RYR1: variants seen among roughly 807,000 people sequenced by gnomAD.
RYR1 encodes the protein central core disease of muscle.
In RYR1, 342 loss-of-function variants were observed where a neutral mutation model predicts 583.5. The observed-to-expected ratio is 0.59, with a 90% CI of 0.54 to 0.64. RYR1 has a LOEUF of 0.64. RYR1 is among the 30% of genes least tolerant of loss of function. RYR1 has a pLI of 0.00. For missense variants in RYR1, 6,032 were observed against 6,917.2 expected, an observed-to-expected ratio of 0.87 and a Z score of 4.54; for synonymous variants, 2,791 against 2,822.5, an observed-to-expected ratio of 0.99 and a Z score of 0.35.
At chr19:38,467,227 A>G (rs1268995080) in intron 24 of RYR1, among the ~76,000 whole-genome samples, 1 of 151,752 alleles carries the variant, frequency 6.6e-6, no homozygotes, top group Non-Finnish European at 1.5e-5. Flanking sequence ...CTGAATTTCC[A>G]TCCCTTCCAT....
chr19:38,496,294 G>C lies in RYR1; in HGVS notation c.6628G>C (p.Val2210Leu), dbSNP rs193922792. 1.2e-6 allele frequency: 2 copies of C among 1,614,046 alleles called. No individual in the cohort carries two copies. The highest frequency in any genetic ancestry group is 1.7e-6 in the Non-Finnish European group (2 of 1,180,044). ...GGGCATGCACGAGACGGTCATGGAG[G>C]TCATGGTCAACGTCCTCGGGGGCGG... ...ALGMHETVME[V>L]MVNVLGGGES... is the part of the protein sequence containing the mutation. Residue 2210 changes from valine to leucine, a missense_variant, in exon 40 of 106, where the codon GTC becomes CTC. Physicochemically the swap from Val to Leu is conservative, Grantham distance 32 (BLOSUM62 1). Around this residue, in one of 11 missense-constraint regions of RYR1, gnomAD observed 2,627 missense variants for 2,961.3 expected, o/e 0.89. Coordinates refer to ENST00000359596, the MANE Select transcript of RYR1 (RefSeq NM_000540.3). This position sits in a 1 kb window ranked among gnomAD's most constrained non-coding sequence, Gnocchi z 4.8.
At position 38,512,300 on chromosome 19, in the gene RYR1, G is replaced by A. The variant is rs765993526; in HGVS notation, c.9289G>A (p.Glu3097Lys). Residue 3097 changes from glutamate to lysine, a missense_variant, in exon 63 of 106, where the codon GAG becomes AAG. Physicochemically the swap from Glu to Lys is moderately conservative, Grantham distance 56. This residue lies in a region of RYR1 where 1,493 missense variants were observed against 1,715.5 expected (regional missense o/e 0.87). Transcript: ENST00000359596. This position sits in a 1 kb window ranked among gnomAD's most constrained non-coding sequence, Gnocchi z 5.1. ...IVKAGLRSFFESASEDIEKMV... is the reference protein window; with the variant it reads ...IVKAGLRSFFKSASEDIEKMV... ...GAAGGCTGGCCTCCGCTCCTTCTTC[G>A]AGAGTGCCTCGGAGGACATCGAGAA... 27 of 1,614,114 alleles carry A rather than the reference G, an allele frequency of 1.7e-5. No homozygotes were observed. Among genetic ancestry groups the A allele is most frequent in the South Asian group, 2.2e-5 (2 of 91,092 alleles).
rs1568611478 is a variant in RYR1 at position 38,584,982 on chromosome 19, G to A, written c.14686G>A (p.Gly4896Arg). The change falls in exon 102 of 106, where the codon GGA becomes AGA. Residue 4896 changes from glycine to arginine, a missense_variant. Transcript: ENST00000359596. ...FHMYVGVRAG[G>R]GIGDEIEDPA... ...CATGTACGTGGGTGTCCGGGCTGGC[G>A]GAGGCATTGGGGACGAGATCGAGGA... 1 of 1,614,036 alleles carries A rather than the reference G, an allele frequency of 6.2e-7. No individual in the cohort carries two copies. The highest frequency in any genetic ancestry group is 8.5e-7 in the Non-Finnish European group (1 of 1,179,986).
Position 38,452,872 on chromosome 19 carries a change from C to A in RYR1, c.1298C>A (p.Thr433Lys). ...CGGGGCTCGGGGCCACCCGCTGGCA[C>A]GGCGCTGCCCATCGAGGGCGTTATC... ...KPRGSGPPAG[T>K]ALPIEGVILS... The change falls in exon 13 of 106, where the codon ACG (threonine) becomes AAG (lysine). Residue 433 changes from threonine (T) to lysine (K), a missense_variant. Transcript: ENST00000359596. 6.2e-7 allele frequency: 1 copy of A among 1,610,112 alleles called. No individual in the cohort carries two copies. The highest frequency in any genetic ancestry group is 1.1e-5 in the South Asian group (1 of 90,408).
rs1408513140 is a variant in RYR1 at position 38,512,351 on chromosome 19, A to C, written c.9340A>C (p.Lys3114Gln). The change falls in exon 63 of 106, where the codon AAG becomes CAG. Residue 3114 changes from lysine (K) to glutamine (Q), a missense_variant. Coordinates refer to ENST00000359596, the MANE Select transcript of RYR1 (RefSeq NM_000540.3). This position sits in a 1 kb window ranked among gnomAD's most constrained non-coding sequence, Gnocchi z 5.1. Reference sequence around the variant, plus strand: ...GATGGTGGAGAACCTGCGGCTGGGCAAGGTGTCGCAGGCGCGCACCCAGGT... The same window carrying C: ...GATGGTGGAGAACCTGCGGCTGGGCCAGGTGTCGCAGGCGCGCACCCAGGT... ...EKMVENLRLG[K>Q]VSQARTQVKG... 6.2e-7 allele frequency: 1 copy of C among 1,614,176 alleles called. No individual in the cohort carries two copies. Among genetic ancestry groups the C allele is most frequent in the African/African-American group, 1.3e-5 (1 of 75,066 alleles).
chr19:38,499,791 C>T lies in RYR1; in HGVS notation c.7184C>T (p.Pro2395Leu). 2 of 1,604,176 alleles carry T rather than the reference C, an allele frequency of 1.2e-6. No homozygotes were observed. The highest frequency in any genetic ancestry group is 1.7e-6 in the Non-Finnish European group (2 of 1,179,008). ...TCCGAGGACCCTGCGAGGGATGGCCCAGGCATCCGCAGGGACCGGCGGCGC... is the reference window on the plus strand; with the variant it reads ...TCCGAGGACCCTGCGAGGGATGGCCTAGGCATCCGCAGGGACCGGCGGCGC... The part of the protein sequence containing the change: ...RISEDPARDG[P>L]GIRRDRRREH... The change falls in exon 44 of 106, where the codon CCA becomes CTA. Residue 2395 changes from proline (P) to leucine (L), a missense_variant. Physicochemically the swap from Pro to Leu is moderately conservative, Grantham distance 98 (BLOSUM62 -3). Transcript: ENST00000359596. This position sits in a 1 kb window ranked among gnomAD's most constrained non-coding sequence, Gnocchi z 7.3.
intron 42 of RYR1, among the ~76,000 whole-genome samples, chr19:38,497,399 G>A (rs80283299): frequency 0.025 from 3,858 of 152,250 alleles, 156 homozygotes; most frequent in East Asian, 0.12. Flanking sequence ...GGTGAAATGC[G>A]TGGGCTCCAG....
intron 94 of RYR1, 114 bp from the exon 95 acceptor site, chr19:38,571,905 A>C (rs1973730744): frequency 2.0e-6 from 3 of 1,483,820 alleles, no homozygotes; most frequent in Non-Finnish European, 2.8e-6. Context: ...ATTGACAGCC[A>C]CACCAAGACT....
At chr19:38,563,307 C>T (rs1973239357) in intron 90 of RYR1, among the ~76,000 whole-genome samples, 1 of 152,180 alleles carries the variant, frequency 6.6e-6, no homozygotes, top group African/African-American at 2.4e-5. Flanking sequence ...CTCTTGTTGA[C>T]CAGGCTGGAG....
intron 29 of RYR1, among the ~76,000 whole-genome samples, chr19:38,475,947 G>C (rs1400781910): frequency 6.6e-6 from 1 of 152,174 alleles, no homozygotes; most frequent in African/African-American, 2.4e-5. Flanking sequence ...CAGTTTTTCC[G>C]TGGACCACGG....
chr19:38,493,936 T>C (rs908302669), intron 38 of RYR1, among the ~76,000 whole-genome samples: 5 of 152,148 alleles, frequency 3.3e-5, no homozygotes, highest in Admixed American at 6.6e-5. Flanking sequence ...ATTATTCCTA[T>C]TGAAATTTTT....
intron 14 of RYR1, 21 bp from the exon 15 acceptor site, chr19:38,455,430 T>G: frequency 6.2e-7 from 1 of 1,614,152 alleles, no homozygotes; most frequent in Non-Finnish European, 8.5e-7. Flanking sequence ...CTATTGGATC[T>G]GACACCTCTT....
chr19:38,523,580 C>G, intron 69 of RYR1: 1 of 603,768 alleles, frequency 1.7e-6, no homozygotes, highest in Non-Finnish European at 2.9e-6. Context: ...TCTCCCTCCT[C>G]CCATTTCCCT....
At chr19:38,527,368 GGT>G in intron 72 of RYR1, among the ~76,000 whole-genome samples, 1 of 152,292 alleles carries the variant, frequency 6.6e-6, no homozygotes, top group East Asian at 1.9e-4. Flanking sequence ...AAATTAGCTG[GGT>G]GTGATGGCGG....
chr19:38,496,227 C>T lies in RYR1; in HGVS notation c.6561C>T (p.Asn2187=), dbSNP rs780599614. 9 of 1,613,694 alleles carry T rather than the reference C, an allele frequency of 5.6e-6. No homozygotes were observed. Among genetic ancestry groups the T allele is most frequent in the Non-Finnish European group, 7.6e-6 (9 of 1,180,004 alleles). The change falls in exon 40 of 106, where the codon AAC becomes AAT. Residue 2187 remains asparagine, a synonymous_variant. Transcript: ENST00000359596. This position sits in a 1 kb window ranked among gnomAD's most constrained non-coding sequence, Gnocchi z 4.8. ...LMIQSIGNIM[N]NKVFYQHPNL... ...TGCCCGTGCACAGGAACATCATGAACAACAAAGTCTTCTACCAACACCCGA... is the reference window on the plus strand; with the variant it reads ...TGCCCGTGCACAGGAACATCATGAATAACAAAGTCTTCTACCAACACCCGA...
chr19:38,565,598 G>A lies in RYR1; in HGVS notation c.13264G>A (p.Glu4422Lys), dbSNP rs1973376170. The A allele has an allele frequency of 3.4e-6, 5 of 1,458,330 alleles. No individual in the cohort carries two copies. Among genetic ancestry groups the A allele is most frequent in the African/African-American group, 1.5e-5 (1 of 67,970 alleles). The allele number at this position is 1,458,330 out of a possible 1,614,324, so 90.3% of individuals were successfully genotyped here. ...AGACGCCGCGGAGGGCGCTGGAGAC[G>A]AGGAGGAGGCGGTGCACGAGGCCGG... Reference protein sequence around the residue: ...AGDAAEGAGDEEEAVHEAGPG... With the variant: ...AGDAAEGAGDKEEAVHEAGPG... Residue 4422 changes from glutamate to lysine, a missense_variant, in exon 91 of 106, where the codon GAG becomes AAG. Physicochemically the swap from Glu to Lys is moderately conservative, Grantham distance 56 (BLOSUM62 1). Around this residue, in one of 11 missense-constraint regions of RYR1, gnomAD observed 753 missense variants for 759.6 expected, o/e 0.99. Transcript: ENST00000359596. The surrounding 1 kb of genome is among the most constrained non-coding windows in gnomAD (Gnocchi z 4.7).
In RYR1 at chr19:38,494,632, C is replaced by T. The variant is rs773289815; in HGVS notation, c.6548+7C>T. The T allele has an allele frequency of 1.7e-5, 27 of 1,613,914 alleles. No individual in the cohort carries two copies. The highest frequency in any genetic ancestry group is 2.2e-5 in the Non-Finnish European group (26 of 1,180,026). On this transcript the variant is annotated splice_region_variant and intron_variant, in intron 39 of 105. Coordinates refer to ENST00000359596, the MANE Select transcript of RYR1 (RefSeq NM_000540.3). ...TCATGATCCAGAGCATCGGGTGAGA[C>T]ACCGCCCTTCCCCCTTACTTTGCAT...
intron 3 of RYR1, 50 bp downstream of exon 3, chr19:38,442,503 AC>A: frequency 7.0e-7 from 1 of 1,422,802 alleles, no homozygotes; most frequent in Non-Finnish European, 9.9e-7. Context: ...GGGCGAGAGG[AC>A]CCAGGGGTCG....
At chr19:38,585,392 A>ATATATATATATATATATG (rs1568612340) in intron 102 of RYR1, among the ~76,000 whole-genome samples, 3 of 145,470 alleles carry the variant, frequency 2.1e-5, no homozygotes, top group African/African-American at 7.6e-5. Flanking sequence ...ATATATGTTT[A>ATATATATATATATATATG]TTTATATATA....
Sources: allele counts gnomAD v4.1 joint callset (sites outside exome capture counted in the v4.1 genomes callset), GRCh38; gene constraint gnomAD v4.1.1; regional missense constraint gnomAD v4.1.1; non-coding constraint Gnocchi (gnomAD v3.1); transcripts MANE v1.5; gene names NCBI Gene and HGNC (gene_info 2026-07-23, HGNC 2026-07-21).